LIPJ: variants seen among roughly 807,000 people sequenced by gnomAD.
LIPJ encodes lipase family member J.
A neutral mutation model predicts 39.8 loss-of-function variants in LIPJ; 33 were observed. The observed-to-expected ratio is 0.83, with a 90% CI of 0.63 to 1.11. LIPJ has a LOEUF of 1.11. Ranked by LOEUF, LIPJ falls within the 50% of genes least tolerant of loss-of-function variation. LIPJ has a pLI of 0.00. For synonymous variants in LIPJ, 128 were observed against 139.2 expected, an observed-to-expected ratio of 0.92 and a Z score of 0.57; for missense variants, 422 against 427.9, an observed-to-expected ratio of 0.99 and a Z score of 0.12.
chr10:88,605,689 G>T, exon 10 of LIPJ: 1 of 1,608,368 alleles, frequency 6.2e-7, no homozygotes, highest in Non-Finnish European at 8.5e-7. Flanking sequence ...ATCTGAACTT[G>T]GTTCATTATA....
chr10:88,602,423 T>C (rs894889940), intron 8 of LIPJ, among the ~76,000 whole-genome samples, 153 bp from the exon 9 acceptor site: 24 of 152,052 alleles, frequency 1.6e-4, no homozygotes, highest in African/African-American at 5.8e-4. Flanking sequence ...AATAAGTATA[T>C]TTAATTAAAA....
chr10:88,623,063 C>T, the LIPJ span, among the ~76,000 whole-genome samples: 119,543 of 152,194 alleles, frequency 0.79, 47,490 homozygotes, highest in East Asian at 0.97. Context: ...CATTCTATAC[C>T]TCTAAGTGTC....
At chr10:88,604,437 C>A (rs993235226) in intron 9 of LIPJ, among the ~76,000 whole-genome samples, 7 of 152,130 alleles carry the variant, frequency 4.6e-5, no homozygotes, top group African/African-American at 1.7e-4. Flanking sequence ...AGAGTGAAAG[C>A]AGTGAGAGAG....
intron 8 of LIPJ, among the ~76,000 whole-genome samples, chr10:88,601,616 G>T (rs1190947535): frequency 6.6e-6 from 1 of 152,096 alleles, no homozygotes; most frequent in East Asian, 1.9e-4. Context: ...TTAATGAAAG[G>T]TTTGCTTCTT....
Position 88,602,662 on chromosome 10 carries a change from G to C in LIPJ, c.795+15G>C, listed in dbSNP as rs1466136031. The C allele has an allele frequency of 7.1e-7, 1 of 1,418,034 alleles. No homozygotes were observed. Among genetic ancestry groups the C allele is most frequent in the Non-Finnish European group, 9.5e-7 (1 of 1,051,230 alleles). The allele number at this position is 1,418,034 out of a possible 1,614,324, so 87.8% of individuals were successfully genotyped here. A position where few individuals can be genotyped will look rare whatever the true frequency, so the allele number is the denominator to read the frequency against. On this transcript the variant is annotated intron_variant, in intron 9 of 10. Coordinates refer to ENST00000371939, the Ensembl canonical transcript of LIPJ. ...ATTGGAGTCAGGTATAACTGCTAAA[G>C]TGCATTTCCATACAATTTAATTCAT... is the stretch of plus-strand genomic sequence containing the variant.
the LIPJ span, among the ~76,000 whole-genome samples, chr10:88,620,148 T>G: frequency 1.3e-5 from 2 of 152,060 alleles, no homozygotes; most frequent in Admixed American, 1.3e-4. Context: ...ATAACTGAAG[T>G]GTTATTTAAA....
At chr10:88,622,642 G>C in the LIPJ span, among the ~76,000 whole-genome samples, 1 of 152,298 alleles carries the variant, frequency 6.6e-6, no homozygotes, top group African/African-American at 2.4e-5. Flanking sequence ...AGGGGAGGAT[G>C]CTAAGTGGCC....
chr10:88,588,038 G>C (rs891672572), intron 2 of LIPJ, among the ~76,000 whole-genome samples: 1 of 151,764 alleles, frequency 6.6e-6, no homozygotes, highest in African/African-American at 2.4e-5. Flanking sequence ...CTTAATTCTG[G>C]AGCTAAATTT....
At chr10:88,585,354 T>A (rs1289977686), upstream of LIPJ, among the ~76,000 whole-genome samples, 1 of 152,200 alleles carries the variant, frequency 6.6e-6, no homozygotes, top group Admixed American at 6.5e-5. Flanking sequence ...TTCATAATTA[T>A]CTTCTATAGC....
chr10:88,592,704 A>T (rs1053601447), intron 4 of LIPJ: 1 of 151,906 alleles, frequency 6.6e-6, no homozygotes, highest in East Asian at 1.9e-4. Context: ...TAGGTGAGGC[A>T]GTTCCAATTT....
the LIPJ span, among the ~76,000 whole-genome samples, chr10:88,617,597 G>T: frequency 1.3e-5 from 2 of 152,156 alleles, no homozygotes; most frequent in Non-Finnish European, 2.9e-5. Context: ...TGAGGGAAAT[G>T]ATGAAGAAAG....
intron 8 of LIPJ, 64 bp downstream of exon 8, chr10:88,597,000 G>T (rs1851279423): frequency 1.1e-6 from 1 of 932,982 alleles, no homozygotes; most frequent in Admixed American, 2.4e-5. Flanking sequence ...AATAATAATA[G>T]TGCTTGTGTT....
At chr10:88,612,827 T>A in the LIPJ span, among the ~76,000 whole-genome samples, 1 of 152,088 alleles carries the variant, frequency 6.6e-6, no homozygotes, top group East Asian at 1.9e-4. Flanking sequence ...AGATAGGTCA[T>A]CAAGACAGAA....
downstream of LIPJ, among the ~76,000 whole-genome samples, chr10:88,611,742 C>A (rs1851755186): frequency 6.6e-6 from 1 of 152,124 alleles, no homozygotes; most frequent in African/African-American, 2.4e-5. Flanking sequence ...AAAAAATGAA[C>A]AAAGCCTCCA....
the LIPJ span, among the ~76,000 whole-genome samples, chr10:88,620,536 A>G: frequency 6.6e-6 from 1 of 152,154 alleles, no homozygotes; most frequent in Non-Finnish European, 1.5e-5. Context: ...ATAGATGGGA[A>G]AGGACTACAC....
chr10:88,593,371 T>C (rs1263465915), intron 4 of LIPJ: 3 of 151,916 alleles, frequency 2.0e-5, no homozygotes, highest in Non-Finnish European at 4.4e-5. Flanking sequence ...TGTATTCTAC[T>C]TATTGGGGAA....
At chr10:88,613,770 G>GTGTATATATATA in the LIPJ span, among the ~76,000 whole-genome samples, 3 of 75,514 alleles carry the variant, frequency 4.0e-5, no homozygotes, top group Non-Finnish European at 8.5e-5. Flanking sequence ...ATGTGTGTGT[G>GTGTATATATATA]TATATATATA....
At chr10:88,612,609 T>G in the LIPJ span, among the ~76,000 whole-genome samples, 2 of 151,882 alleles carry the variant, frequency 1.3e-5, no homozygotes, top group African/African-American at 4.8e-5. Context: ...AAAACAAACT[T>G]TAAAGCAACA....
chr10:88,599,405 C>T (rs769817078), intron 8 of LIPJ, among the ~76,000 whole-genome samples: 1 of 151,930 alleles, frequency 6.6e-6, no homozygotes, highest in Non-Finnish European at 1.5e-5. Context: ...CCTTTGACCA[C>T]CATGTCCCCA....
Sources: gnomAD v4.1 joint callset for allele counts (sites outside exome capture counted in the v4.1 genomes callset) on GRCh38, gnomAD v4.1.1 for gene constraint, MANE v1.5 for transcripts, NCBI Gene and HGNC (gene_info 2026-07-23, HGNC 2026-07-21) for gene names.